The following CNTN4 variants were observed in gnomAD, a reference collection of about 807,000 sequenced individuals.
CNTN4 encodes the protein contactin 4, also known as contactin-4.
CNTN4 carries 77 observed loss-of-function variants against 122.5 expected under a neutral mutation model. The observed-to-expected ratio is 0.63, with a 90% CI of 0.52 to 0.76. CNTN4 has a LOEUF of 0.76. Ranked by LOEUF, CNTN4 falls within the 30% of genes least tolerant of loss-of-function variation. The pLI is 0.00. For missense variants in CNTN4, 1,256 were observed against 1,259.1 expected, an observed-to-expected ratio of 1.00 and a Z score of 0.04; for synonymous variants, 512 against 447.0, an observed-to-expected ratio of 1.15 and a Z score of -1.83.
At chr3:2,426,022 A>G (rs558645354) in intron 3 of CNTN4, among the ~76,000 whole-genome samples, 1 of 152,312 alleles carries the variant, frequency 6.6e-6, no homozygotes, top group African/African-American at 2.4e-5. Context: ...AGCAGGGGCA[A>G]TTTGACTTCC....
At chr3:2,536,612 C>T (rs1343251463) in intron 3 of CNTN4, among the ~76,000 whole-genome samples, 3 of 146,098 alleles carry the variant, frequency 2.1e-5, no homozygotes, top group African/African-American at 7.6e-5. Flanking sequence ...TTGGTAGAGA[C>T]TGGATCTTAC....
chr3:2,382,359 C>T (rs564250198), intron 3 of CNTN4, among the ~76,000 whole-genome samples: 25 of 151,958 alleles, frequency 1.6e-4, no homozygotes, highest in African/African-American at 4.8e-4. Flanking sequence ...GTTTCACCAT[C>T]TTGGCCAGGC....
At chr3:2,916,509 G>C (rs565280188) in intron 12 of CNTN4, among the ~76,000 whole-genome samples, 33 of 147,190 alleles carry the variant, frequency 2.2e-4, no homozygotes, top group Non-Finnish European at 4.3e-4. Context: ...CAGAGAGCAC[G>C]GGGTTGGGGG....
chr3:2,300,016 T>C (rs1023188848), intron 2 of CNTN4, among the ~76,000 whole-genome samples: 1 of 152,160 alleles, frequency 6.6e-6, no homozygotes, highest in Non-Finnish European at 1.5e-5. Context: ...AGAAGGTAAG[T>C]CCCATAACAG....
At chr3:2,824,109 A>G (rs1203712703) in intron 7 of CNTN4, among the ~76,000 whole-genome samples, 1 of 151,520 alleles carries the variant, frequency 6.6e-6, no homozygotes, top group African/African-American at 2.4e-5. Flanking sequence ...CAACCTGTTC[A>G]CAAGCATATT....
chr3:2,141,927 A>G (rs2035015334), intron 2 of CNTN4, among the ~76,000 whole-genome samples: 1 of 152,172 alleles, frequency 6.6e-6, no homozygotes, highest in African/African-American at 2.4e-5. Flanking sequence ...AACCACCAAA[A>G]ATTAGTGGCT....
intron 2 of CNTN4, among the ~76,000 whole-genome samples, chr3:2,224,952 T>C (rs989340928): frequency 1.2e-3 from 171 of 137,758 alleles, no homozygotes; most frequent in South Asian, 2.2e-3. Context: ...AGATGAAGAC[T>C]ATCCTGGCTA....
chr3:2,899,326 C>G (rs923132222), intron 10 of CNTN4, among the ~76,000 whole-genome samples: 1 of 152,158 alleles, frequency 6.6e-6, no homozygotes, highest in Non-Finnish European at 1.5e-5. Context: ...ATACTGAGGT[C>G]AAGTCAGCTG....
chr3:2,757,045 A>G (rs2090371160), intron 6 of CNTN4, among the ~76,000 whole-genome samples: 2 of 152,192 alleles, frequency 1.3e-5, no homozygotes, highest in South Asian at 2.1e-4. Flanking sequence ...GATCAAAATC[A>G]GGTGCTTTTG....
intron 6 of CNTN4, among the ~76,000 whole-genome samples, chr3:2,762,237 G>C (rs778534601): frequency 2.0e-5 from 3 of 152,146 alleles, no homozygotes; most frequent in Non-Finnish European, 4.4e-5. Context: ...TTAATTTCAG[G>C]AATACACGTG....
At chr3:2,932,610 GT>G (rs1290565561) in intron 13 of CNTN4, among the ~76,000 whole-genome samples, 2 of 152,088 alleles carry the variant, frequency 1.3e-5, no homozygotes, top group Non-Finnish European at 2.9e-5. Context: ...AGGGAGGCAA[GT>G]CTTAATCGGT....
At position 2,196,507 on chromosome 3, in the gene CNTN4, GTATT is replaced by G. The variant is rs531501649; in HGVS notation, c.-145+95873_-145+95876del. ...CTTAATTATACGGCCAATACAGAAA[GTATT>G]TATTGAGCATCTACTATAGTGCTAG... On this transcript the variant is annotated intron_variant, in intron 2 of 24. Transcript: ENST00000418658. 4.2e-3 allele frequency among the ~76,000 whole-genome samples: 636 copies of G among 152,182 alleles called. 4 individuals carry two copies. The highest frequency in any genetic ancestry group is 0.015 in the African/African-American group (611 of 41,512).
chr3:2,958,909 G>A (rs897857866), intron 13 of CNTN4, among the ~76,000 whole-genome samples: 1 of 152,154 alleles, frequency 6.6e-6, no homozygotes, highest in African/African-American at 2.4e-5. Flanking sequence ...CAGAAAGATG[G>A]AATAGCATTC....
intron 19 of CNTN4, 64 bp downstream of exon 19, chr3:3,039,067 T>G: frequency 7.2e-7 from 1 of 1,395,192 alleles, no homozygotes; most frequent in Non-Finnish European, 1.0e-6. Flanking sequence ...TTTTCCTCCA[T>G]GTTAGACATA....
chr3:2,769,592 G>A (rs989640666), intron 6 of CNTN4, among the ~76,000 whole-genome samples: 22 of 152,242 alleles, frequency 1.4e-4, no homozygotes, highest in African/African-American at 4.1e-4. Flanking sequence ...ATTGATGATG[G>A]TAGAAAATTG....
At chr3:2,451,106 T>C (rs1332130271) in intron 3 of CNTN4, among the ~76,000 whole-genome samples, 3 of 152,192 alleles carry the variant, frequency 2.0e-5, no homozygotes, top group African/African-American at 7.2e-5. Flanking sequence ...GTATTTGGTT[T>C]TCTCCTTCAT....
intron 14 of CNTN4, among the ~76,000 whole-genome samples, chr3:3,018,591 A>G (rs111433040): frequency 9.0e-4 from 137 of 152,308 alleles, no homozygotes; most frequent in African/African-American, 3.0e-3. Context: ...ATGTTGGCAG[A>G]TTGGTTATAC....
chr3:2,218,998 C>T lies in CNTN4; in HGVS notation c.-145+118359C>T, dbSNP rs146697903. On this transcript the variant is annotated intron_variant, in intron 2 of 24. Coordinates refer to ENST00000418658, the MANE Select transcript of CNTN4 (RefSeq NM_175607.3). Reference sequence around the variant, plus strand: ...TGAAGGTGTGAGAGGTTTCAAGAAACGATAAGCTTTGGGCTCAGCTTCCCC... The same window carrying T: ...TGAAGGTGTGAGAGGTTTCAAGAAATGATAAGCTTTGGGCTCAGCTTCCCC... Among the ~76,000 whole-genome samples the T allele has an allele frequency of 3.4e-3, 512 of 152,270 alleles. 3 individuals carry two copies. The highest frequency in any genetic ancestry group is 0.012 in the African/African-American group (481 of 41,560).
intron 2 of CNTN4, among the ~76,000 whole-genome samples, chr3:2,328,321 G>A (rs1352914989): frequency 2.0e-5 from 3 of 150,606 alleles, no homozygotes; most frequent in Non-Finnish European, 4.4e-5. Context: ...CAGGAGAATG[G>A]CGGGAACCCG....
Sources: gnomAD v4.1 joint callset for allele counts (sites outside exome capture counted in the v4.1 genomes callset) on GRCh38, gnomAD v4.1.1 for gene constraint, MANE v1.5 for transcripts, NCBI Gene and HGNC (gene_info 2026-07-23, HGNC 2026-07-21) for gene names.